Variants in ATAD1 observed in about 807,000 individuals in gnomAD.
ATAD1 encodes the protein ATPase family AAA domain containing 1.
Under a neutral mutation model 42.7 loss-of-function variants are expected in ATAD1, and 18 were observed. The observed-to-expected ratio is 0.42, with a 90% CI of 0.29 to 0.63. The LOEUF is 0.63. ATAD1 is among the 20% of genes least tolerant of loss of function. The pLI, the probability that ATAD1 is intolerant of heterozygous loss-of-function variation, is 0.19. For synonymous variants in ATAD1, 132 were observed against 143.1 expected (o/e 0.92, Z 0.55); for missense variants, 294 against 440.4 (o/e 0.67, Z 2.98).
At chr10:87,781,211 T>C (rs1855544786) in intron 5 of ATAD1, among the ~76,000 whole-genome samples, 1 of 151,972 alleles carries the variant, frequency 6.6e-6, no homozygotes, top group South Asian at 2.1e-4. Flanking sequence ...AAAGTAAAAT[T>C]AGAATTTCAG....
At chr10:87,828,940 G>A (rs1433557405) in intron 1 of ATAD1, among the ~76,000 whole-genome samples, 2 of 152,158 alleles carry the variant, frequency 1.3e-5, no homozygotes, top group Non-Finnish European at 2.9e-5. Flanking sequence ...GTTCACTATT[G>A]AGACCTACTG....
At chr10:87,756,223 T>A (rs1203853893) in intron 9 of ATAD1, among the ~76,000 whole-genome samples, 1 of 152,174 alleles carries the variant, frequency 6.6e-6, no homozygotes, top group African/African-American at 2.4e-5. Flanking sequence ...ACAGAAATTG[T>A]TAGAAGGCTG....
At chr10:87,779,344 T>C (rs1023245102) in intron 5 of ATAD1, among the ~76,000 whole-genome samples, 5 of 151,838 alleles carry the variant, frequency 3.3e-5, no homozygotes, top group African/African-American at 1.2e-4. Flanking sequence ...AAAATAAAAT[T>C]CGTGCTATGT....
At chr10:87,777,745 T>C (rs1855374259) in intron 5 of ATAD1, among the ~76,000 whole-genome samples, 2 of 152,196 alleles carry the variant, frequency 1.3e-5, no homozygotes, top group Non-Finnish European at 2.9e-5. Context: ...TTGTCGATCA[T>C]ACATGCAAGT....
At chr10:87,771,074 T>C (rs562547031) in intron 6 of ATAD1, 33 bp from the exon 7 acceptor site, 1 of 1,532,440 alleles carries the variant, frequency 6.5e-7, no homozygotes, top group African/African-American at 1.4e-5. Flanking sequence ...AGGTATTAAA[T>C]CTACCAATTA....
Position 87,776,432 on chromosome 10 carries a change from A to G in ATAD1, c.584-5T>C. On this transcript the variant is annotated splice_polypyrimidine_tract_variant and splice_region_variant and intron_variant, in intron 5 of 9. Transcript: ENST00000680024. ...AACGGTTTCGTAGAAAGGAGTCTAG[A>G]AGTAAAAGGTCCTTAACCTTAGAAA... 1.3e-6 allele frequency: 2 copies of G among 1,599,676 alleles called. No individual in the cohort carries two copies. Among genetic ancestry groups the G allele is most frequent in the South Asian group, 1.1e-5 (1 of 90,714 alleles).
At chr10:87,799,807 C>A (rs1856596227) in intron 2 of ATAD1, among the ~76,000 whole-genome samples, 2 of 149,642 alleles carry the variant, frequency 1.3e-5, no homozygotes, top group Non-Finnish European at 1.5e-5. Context: ...AAAGTGTGTC[C>A]TTTTTAAAAA....
chr10:87,790,029 C>T (rs1856020868), intron 4 of ATAD1, among the ~76,000 whole-genome samples: 1 of 152,132 alleles, frequency 6.6e-6, no homozygotes, highest in Non-Finnish European at 1.5e-5. Flanking sequence ...GACTTTGAAT[C>T]TTTCTTTAAT....
At chr10:87,779,046 T>C (rs1273606907) in intron 5 of ATAD1, among the ~76,000 whole-genome samples, 1 of 152,130 alleles carries the variant, frequency 6.6e-6, no homozygotes, top group Non-Finnish European at 1.5e-5. Context: ...CTGGGCATGG[T>C]GGCACTTTGG....
chr10:87,814,438 C>G lies in ATAD1; in HGVS notation c.162G>C (p.Gln54His), dbSNP rs1554884979. ...TRKQKVEAQK[Q>H]AEKLMKQIGV... ...TGATCTTCAAACATTTCAATCATAC[C>G]TGTTTCTGAGCTTCTACTTTTTGCT... Residue 54 changes from glutamine (Q) to histidine (H), a missense_variant and splice_region_variant, in exon 2 of 10, where the codon CAG becomes CAC. Coordinates refer to ENST00000680024, the MANE Select transcript of ATAD1 (RefSeq NM_001321967.2). The G allele has an allele frequency of 6.3e-7, 1 of 1,576,480 alleles. No homozygotes were observed. The highest frequency in any genetic ancestry group is 8.6e-7 in the Non-Finnish European group (1 of 1,162,506).
chr10:87,788,384 T>A (rs938717710), intron 4 of ATAD1, among the ~76,000 whole-genome samples: 10 of 152,172 alleles, frequency 6.6e-5, no homozygotes, highest in Non-Finnish European at 2.9e-5. Flanking sequence ...TACACCAATA[T>A]CCAATTTATA....
At chr10:87,830,358 C>A (rs1169103488) in intron 1 of ATAD1, among the ~76,000 whole-genome samples, 1 of 152,314 alleles carries the variant, frequency 6.6e-6, no homozygotes, top group African/African-American at 2.4e-5. Flanking sequence ...TACTATCTTA[C>A]AAGTTCCATA....
chr10:87,780,562 C>T (rs1310797634), intron 5 of ATAD1, among the ~76,000 whole-genome samples: 1 of 151,890 alleles, frequency 6.6e-6, no homozygotes, highest in African/African-American at 2.4e-5. Context: ...ATTCTGCAAA[C>T]TTAAAACCAT....
chr10:87,832,812 C>T (rs935649093), intron 1 of ATAD1: 27 of 152,068 alleles, frequency 1.8e-4, no homozygotes, highest in African/African-American at 6.0e-4. Flanking sequence ...AGTTTTCTTT[C>T]TTTCCAGAGA....
intron 6 of ATAD1, among the ~76,000 whole-genome samples, chr10:87,774,949 T>C: frequency 6.6e-6 from 1 of 152,138 alleles, no homozygotes; most frequent in Non-Finnish European, 1.5e-5. Context: ...AGTGAGACCC[T>C]GTCTCAACAA....
intron 5 of ATAD1, among the ~76,000 whole-genome samples, chr10:87,783,089 T>C (rs529744432): frequency 2.6e-5 from 4 of 152,182 alleles, no homozygotes; most frequent in Admixed American, 2.6e-4. Context: ...TTAGACAATA[T>C]AGCTAATAGG....
At chr10:87,770,894 G>T in intron 7 of ATAD1, 58 bp downstream of exon 7, 1 of 1,456,980 alleles carries the variant, frequency 6.9e-7, no homozygotes, top group Non-Finnish European at 9.5e-7. Context: ...AATTAAAGGT[G>T]AAGACCTATA....
At chr10:87,754,849 G>C in intron 9 of ATAD1, 42 bp from the exon 10 acceptor site, 1 of 1,579,828 alleles carries the variant, frequency 6.3e-7, no homozygotes, top group Non-Finnish European at 8.6e-7. Context: ...AATAACTTTA[G>C]AATATGCCTC....
At chr10:87,830,317 C>A (rs1857805477) in intron 1 of ATAD1, among the ~76,000 whole-genome samples, 2 of 152,206 alleles carry the variant, frequency 1.3e-5, no homozygotes, top group Admixed American at 6.5e-5. Flanking sequence ...GGAGAAGATT[C>A]TTTTCTGCTT....
Sources: allele counts gnomAD v4.1 joint callset (sites outside exome capture counted in the v4.1 genomes callset), GRCh38; gene constraint gnomAD v4.1.1; transcripts MANE v1.5; gene names NCBI Gene and HGNC (gene_info 2026-07-23, HGNC 2026-07-21).